Variants in ASAH2B observed in about 807,000 individuals in gnomAD.
The protein encoded by ASAH2B is putative inactive neutral ceramidase B.
ASAH2B carries 1 observed loss-of-function variant against 2.9 expected under a neutral mutation model. The ratio of observed to expected loss-of-function variants is 0.34; its 90% CI spans 0.12 to 1.63. The LOEUF (loss-of-function observed/expected upper bound fraction) is 1.63, where lower values mean the gene tolerates loss of function less well. Ranked by LOEUF, ASAH2B falls within the 40% of genes most tolerant of loss-of-function variation. ASAH2B has a pLI of 0.36. For synonymous variants in ASAH2B, 4 were observed against 13.3 expected, an observed-to-expected ratio of 0.30 and a Z score of 1.52; for missense variants, 9 against 37.7, an observed-to-expected ratio of 0.24 and a Z score of 1.99.
chr10:50,740,473 G>T (rs367669927), intron 1 of ASAH2B, among the ~76,000 whole-genome samples: 2 of 152,082 alleles, frequency 1.3e-5, no homozygotes, highest in African/African-American at 2.4e-5. Context: ...TTCTGTTTCC[G>T]CTCGTGTTGT....
At chr10:50,746,846 G>T (rs928090495) in intron 3 of ASAH2B, among the ~76,000 whole-genome samples, 5 of 151,268 alleles carry the variant, frequency 3.3e-5, no homozygotes, top group African/African-American at 1.2e-4. Flanking sequence ...TTCAAATTGG[G>T]TTATTTGTTT....
intron 3 of ASAH2B, among the ~76,000 whole-genome samples, chr10:50,748,723 G>T: frequency 6.7e-6 from 1 of 149,844 alleles, no homozygotes; most frequent in Non-Finnish European, 1.5e-5. Context: ...CCTCAACTTA[G>T]ACTGCCAGAC....
At chr10:50,741,567 G>T (rs1475587546) in intron 1 of ASAH2B, among the ~76,000 whole-genome samples, 1 of 152,216 alleles carries the variant, frequency 6.6e-6, no homozygotes, top group African/African-American at 2.4e-5. Context: ...GACAACAAGT[G>T]AGAGTTAAGC....
rs1280744329 is a variant in ASAH2B at position 50,758,870 on chromosome 10, G to T, written c.*4130G>T. On this transcript the variant is annotated 3_prime_UTR_variant, in exon 6 of 6. Coordinates refer to ENST00000647317, the MANE Select transcript of ASAH2B (RefSeq NM_001321958.2). ...GTGACCCATATTGTTATTGTTCAGG[G>T]AATTAGAGAGGGCACCTAATATGGT... 2.0e-5 allele frequency: 3 copies of T among 151,956 alleles called. No homozygotes were observed. Among genetic ancestry groups the T allele is most frequent in the Non-Finnish European group, 2.9e-5 (2 of 67,878 alleles). The allele number at this position is 151,956 out of a possible 1,614,324, so 9.4% of individuals were successfully genotyped here. A position where few individuals can be genotyped will look rare whatever the true frequency, so the allele number is the denominator to read the frequency against.
chr10:50,741,258 C>A (rs1182094856), intron 1 of ASAH2B, among the ~76,000 whole-genome samples: 2 of 152,228 alleles, frequency 1.3e-5, no homozygotes, highest in African/African-American at 4.8e-5. Flanking sequence ...CTGTCCATAT[C>A]ACAGGGATAT....
intron 2 of ASAH2B, among the ~76,000 whole-genome samples, chr10:50,744,448 TAA>T (rs1409063076): frequency 6.6e-6 from 1 of 151,698 alleles, no homozygotes; most frequent in African/African-American, 2.4e-5. Context: ...TATGCAGTTG[TAA>T]AGATTAAATC....
At chr10:50,744,316 C>A (rs1839875558) in intron 2 of ASAH2B, among the ~76,000 whole-genome samples, 1 of 151,300 alleles carries the variant, frequency 6.6e-6, no homozygotes, top group South Asian at 2.1e-4. Flanking sequence ...GTTTTACAGA[C>A]AAATTTCTGG....
chr10:50,758,625 A>G lies in ASAH2B; in HGVS notation c.*3885A>G, dbSNP rs1485596266. The G allele has an allele frequency of 6.6e-6, 1 of 151,972 alleles. No individual in the cohort carries two copies. Among genetic ancestry groups the G allele is most frequent in the African/African-American group, 2.4e-5 (1 of 41,420 alleles). The allele number at this position is 151,972 out of a possible 1,614,324, so 9.4% of individuals were successfully genotyped here. A position where few individuals can be genotyped will look rare whatever the true frequency, so the allele number is the denominator to read the frequency against. ...TACTCTAGAAAATATATTTTGGAAA[A>G]GAACACACATTGGAATAATGACGAA... On this transcript the variant is annotated 3_prime_UTR_variant, in exon 6 of 6. Transcript: ENST00000647317.
At position 50,755,022 on chromosome 10, in the gene ASAH2B, C is replaced by T. The variant is rs1270358385; in HGVS notation, c.*282C>T. ...ATATCTTGTGGTCTACAGCCTAAAG[C>T]ATGATTTCCCTTGAAGTCTTGGGGT... On this transcript the variant is annotated 3_prime_UTR_variant, in exon 6 of 6. Coordinates refer to ENST00000647317, the MANE Select transcript of ASAH2B (RefSeq NM_001321958.2). 9.8e-6 allele frequency: 4 copies of T among 406,846 alleles called. No homozygotes were observed. The highest frequency in any genetic ancestry group is 4.3e-5 in the East Asian group (1 of 22,998). The allele number at this position is 406,846 out of a possible 1,614,324, so 25.2% of individuals were successfully genotyped here. A position where few individuals can be genotyped will look rare whatever the true frequency, so the allele number is the denominator to read the frequency against.
chr10:50,752,937 GA>G (rs1266702614), intron 5 of ASAH2B, among the ~76,000 whole-genome samples: 1 of 108,124 alleles, frequency 9.2e-6, no homozygotes, highest in Non-Finnish European at 2.3e-5. Context: ...TTTCTATAGG[GA>G]AAATGAGTCT....
intron 3 of ASAH2B, among the ~76,000 whole-genome samples, chr10:50,748,592 A>G (rs1181096022): frequency 6.6e-6 from 1 of 151,290 alleles, no homozygotes; most frequent in Non-Finnish European, 1.5e-5. Flanking sequence ...ATATGCATGC[A>G]AACTTGAGGG....
At chr10:50,748,552 ATTC>A (rs1360055454) in intron 3 of ASAH2B, among the ~76,000 whole-genome samples, 1 of 151,158 alleles carries the variant, frequency 6.6e-6, no homozygotes, top group Admixed American at 6.6e-5. Context: ...CTGTTAGCCC[ATTC>A]TTTTCCTGGC....
At chr10:50,741,426 G>A (rs1839829297) in intron 1 of ASAH2B, among the ~76,000 whole-genome samples, 1 of 152,176 alleles carries the variant, frequency 6.6e-6, no homozygotes, top group Admixed American at 6.5e-5. Context: ...ACAGAAAAGA[G>A]AACAGATGAT....
chr10:50,747,323 T>C (rs532048178), intron 3 of ASAH2B, among the ~76,000 whole-genome samples: 12 of 151,564 alleles, frequency 7.9e-5, no homozygotes, highest in African/African-American at 2.7e-4. Flanking sequence ...CTGGGCTCCA[T>C]TGGTCTATGT....
Position 50,756,487 on chromosome 10 carries a change from A to G in ASAH2B, c.*1747A>G, listed in dbSNP as rs1425555622. The G allele has an allele frequency of 6.6e-5, 10 of 152,100 alleles. No individual in the cohort carries two copies. The highest frequency in any genetic ancestry group is 2.4e-4 in the African/African-American group (10 of 41,530). 9.4% of individuals were successfully genotyped at this position (152,100 alleles called of 1,614,324 possible). A position where few individuals can be genotyped will look rare whatever the true frequency, so the allele number is the denominator to read the frequency against. ...AGCTGATTCCAGACAAGAAAATTAT[A>G]TTAGAACTCATGATATGGTTTTTTA... is the stretch of plus-strand genomic sequence containing the variant. On this transcript the variant is annotated 3_prime_UTR_variant, in exon 6 of 6. Coordinates refer to ENST00000647317, the MANE Select transcript of ASAH2B (RefSeq NM_001321958.2).
intron 1 of ASAH2B, 162 bp downstream of exon 1, chr10:50,740,145 G>A (rs78497386): frequency 0.097 from 14,685 of 152,176 alleles, 755 homozygotes; most frequent in African/African-American, 0.14. Flanking sequence ...GTGCCCGGGA[G>A]TCGTTGGGAG....
intron 1 of ASAH2B, among the ~76,000 whole-genome samples, chr10:50,742,215 T>C (rs1369863602): frequency 3.3e-5 from 5 of 151,860 alleles, no homozygotes; most frequent in African/African-American, 1.2e-4. Flanking sequence ...GACAGGAAAA[T>C]GAAAGATCTC....
At chr10:50,744,152 T>C (rs1478244552) in intron 2 of ASAH2B, among the ~76,000 whole-genome samples, 2 of 151,682 alleles carry the variant, frequency 1.3e-5, no homozygotes, top group African/African-American at 4.9e-5. Context: ...TCATTCAGAT[T>C]ATACAGAAAA....
rs1257405082 is a variant in ASAH2B at position 50,757,798 on chromosome 10, T to G, written c.*3058T>G. The stretch of plus-strand genomic sequence containing the variant: ...TGCAATTTGTTAGTATGCATTCAGC[T>G]GTAACTCAGAAAATATTCCTGATCA... On this transcript the variant is annotated 3_prime_UTR_variant, in exon 6 of 6. Transcript: ENST00000647317. 1 of 151,510 alleles carries G rather than the reference T, an allele frequency of 6.6e-6. No individual in the cohort carries two copies. The highest frequency in any genetic ancestry group is 1.5e-5 in the Non-Finnish European group (1 of 67,686). The allele number at this position is 151,510 out of a possible 1,614,324, so 9.4% of individuals were successfully genotyped here. A position where few individuals can be genotyped will look rare whatever the true frequency, so the allele number is the denominator to read the frequency against.
Sources: gnomAD v4.1 joint callset for allele counts (sites outside exome capture counted in the v4.1 genomes callset) on GRCh38, gnomAD v4.1.1 for gene constraint, MANE v1.5 for transcripts, NCBI Gene and HGNC (gene_info 2026-07-23, HGNC 2026-07-21) for gene names.